Variants in PEX14 observed in about 807,000 individuals in gnomAD.
PEX14 encodes the protein peroxisomal membrane protein PEX14.
A neutral mutation model predicts 49.5 loss-of-function variants in PEX14; 15 were observed. That is an observed-to-expected ratio of 0.30 (90% CI 0.20 to 0.47). The LOEUF is 0.47. Among genes scored for constraint, PEX14 ranks in the 20% least tolerant of loss-of-function variants. The probability of loss-of-function intolerance (pLI) is 1.00; values close to 1 mark genes in which losing one functional copy is unlikely to be tolerated. For synonymous variants in PEX14, 210 were observed against 212.7 expected (o/e 0.99, Z 0.11); for missense variants, 398 against 494.8 (o/e 0.80, Z 1.86).
intron 6 of PEX14, 42 bp from the exon 7 acceptor site, chr1:10,624,298 G>T: frequency 7.9e-7 from 1 of 1,273,850 alleles, no homozygotes; most frequent in Non-Finnish European, 1.1e-6. Flanking sequence ...GAACGTCTGT[G>T]CCTGTGAATT....
chr1:10,531,118 T>C (rs1638637183), intron 2 of PEX14, among the ~76,000 whole-genome samples: 1 of 152,092 alleles, frequency 6.6e-6, no homozygotes, highest in Non-Finnish European at 1.5e-5. Flanking sequence ...AAAACCAGAA[T>C]TATGTTGTCC....
Position 10,623,169 on chromosome 1 carries a change from G to A in PEX14, c.487+48G>A. 7.8e-7 allele frequency: 1 copy of A among 1,284,634 alleles called. No individual in the cohort carries two copies. The highest frequency in any genetic ancestry group is 1.5e-5 in the African/African-American group (1 of 68,690). The allele number at this position is 1,284,634 out of a possible 1,614,324, so 79.6% of individuals were successfully genotyped here. A position where few individuals can be genotyped will look rare whatever the true frequency, so the allele number is the denominator to read the frequency against. ...AGTCACCCCTCACAGCCTTCTCCAA[G>A]CAGCCCCTTCTCTGCCCCTCCCCTC... On this transcript the variant is annotated intron_variant, in intron 6 of 8. Transcript: ENST00000356607. This position sits in a 1 kb window ranked among gnomAD's most constrained non-coding sequence, Gnocchi z 4.4.
intron 3 of PEX14, among the ~76,000 whole-genome samples, chr1:10,561,370 C>A (rs1191833105): frequency 6.6e-6 from 1 of 152,176 alleles, no homozygotes; most frequent in Non-Finnish European, 1.5e-5. Flanking sequence ...TGTCTCTTCT[C>A]ATTTTACTTG....
At chr1:10,624,245 G>T in intron 6 of PEX14, 95 bp from the exon 7 acceptor site, 1 of 825,204 alleles carries the variant, frequency 1.2e-6, no homozygotes, top group Non-Finnish European at 2.2e-6. Context: ...ATTAGATGGA[G>T]CGGGAACACG....
chr1:10,571,962 A>G (rs1263532640), intron 3 of PEX14, among the ~76,000 whole-genome samples: 1 of 152,184 alleles, frequency 6.6e-6, no homozygotes, highest in East Asian at 1.9e-4. Context: ...AACCATCATC[A>G]GTTTGTAGGA....
chr1:10,513,883 T>TA, intron 2 of PEX14, among the ~76,000 whole-genome samples: 1 of 152,340 alleles, frequency 6.6e-6, no homozygotes, highest in South Asian at 2.1e-4. Flanking sequence ...ATTTAAGCAG[T>TA]ACCAGTGCAC....
At chr1:10,596,941 A>G (rs903304983) in intron 3 of PEX14, among the ~76,000 whole-genome samples, 3 of 152,238 alleles carry the variant, frequency 2.0e-5, no homozygotes, top group African/African-American at 7.2e-5. Context: ...CTGTGGCCTC[A>G]CTAGTGGGCT....
At chr1:10,569,053 T>C (rs894442105) in intron 3 of PEX14, among the ~76,000 whole-genome samples, 1 of 152,162 alleles carries the variant, frequency 6.6e-6, no homozygotes, top group Non-Finnish European at 1.5e-5. Flanking sequence ...GAAGTAGAGA[T>C]TGATGGAGAT....
intron 3 of PEX14, among the ~76,000 whole-genome samples, chr1:10,560,097 G>T (rs1274529699): frequency 6.7e-6 from 1 of 148,216 alleles, no homozygotes; most frequent in Non-Finnish European, 1.5e-5. Context: ...CACTTTTGTT[G>T]CTCAGGCTGG....
At chr1:10,555,636 G>GGTGTGTGT (rs1470160598) in intron 3 of PEX14, among the ~76,000 whole-genome samples, 6 of 46,948 alleles carry the variant, frequency 1.3e-4, no homozygotes, top group African/African-American at 2.1e-4. Context: ...GAGCCGGCAA[G>GGTGTGTGT]GTGTGAGTGT....
chr1:10,602,999 A>C (rs957788872), intron 4 of PEX14, among the ~76,000 whole-genome samples: 5 of 152,172 alleles, frequency 3.3e-5, no homozygotes, highest in Non-Finnish European at 1.5e-5. Flanking sequence ...AGGGTAGGGT[A>C]GCTTTTCCAA....
intron 1 of PEX14, among the ~76,000 whole-genome samples, chr1:10,475,361 C>T (rs1006192286): frequency 2.6e-5 from 4 of 152,188 alleles, no homozygotes; most frequent in Non-Finnish European, 4.4e-5. Flanking sequence ...ATAGATCGAT[C>T]GTTCCCGGCT....
chr1:10,591,635 CTGTGTGTGTGTGTGTGTGTG>C (rs61635531), intron 3 of PEX14, among the ~76,000 whole-genome samples: 2 of 139,740 alleles, frequency 1.4e-5, no homozygotes, highest in South Asian at 2.5e-4. Context: ...GGTATACACA[CTGTGTGTGTGTGTGTGTGTG>C]TGTGTGTGTG....
At chr1:10,501,078 A>G (rs1246567495) in intron 2 of PEX14, among the ~76,000 whole-genome samples, 1 of 152,188 alleles carries the variant, frequency 6.6e-6, no homozygotes, top group Non-Finnish European at 1.5e-5. Context: ...GGAACTTGTC[A>G]TTTTCCAGGA....
At chr1:10,516,850 G>A (rs1341226081) in intron 2 of PEX14, among the ~76,000 whole-genome samples, 1 of 152,202 alleles carries the variant, frequency 6.6e-6, no homozygotes, top group African/African-American at 2.4e-5. Flanking sequence ...GAGTGATCCC[G>A]AGGTCACGGG....
intron 3 of PEX14, among the ~76,000 whole-genome samples, chr1:10,564,926 C>T (rs552964959): frequency 7.3e-5 from 8 of 109,578 alleles, no homozygotes; most frequent in South Asian, 2.8e-4. Flanking sequence ...TTTTTTGAGA[C>T]GGAGTCTTAC....
chr1:10,507,195 C>T (rs1641798726), intron 2 of PEX14, among the ~76,000 whole-genome samples: 3 of 152,370 alleles, frequency 2.0e-5, no homozygotes, highest in South Asian at 4.1e-4. Flanking sequence ...CAAGTTCCTA[C>T]AGCTAAGAAG....
At chr1:10,501,462 C>T (rs903045706) in intron 2 of PEX14, among the ~76,000 whole-genome samples, 1 of 152,164 alleles carries the variant, frequency 6.6e-6, no homozygotes, top group Admixed American at 6.5e-5. Flanking sequence ...CCCGCCACCT[C>T]GCCCGGCTTT....
At chr1:10,588,068 C>A (rs764121566) in intron 3 of PEX14, among the ~76,000 whole-genome samples, 1 of 151,582 alleles carries the variant, frequency 6.6e-6, no homozygotes, top group Admixed American at 6.6e-5. Flanking sequence ...ACTAAAAATA[C>A]GAAAAAATTA....
Sources: gnomAD v4.1 joint callset for allele counts (sites outside exome capture counted in the v4.1 genomes callset) on GRCh38, gnomAD v4.1.1 for gene constraint, Gnocchi (gnomAD v3.1) non-coding constraint, MANE v1.5 for transcripts, NCBI Gene and HGNC (gene_info 2026-07-23, HGNC 2026-07-21) for gene names.